ENTREP1: variants seen among roughly 807,000 people sequenced by gnomAD.
ENTREP1 encodes endosomal transmembrane epsin interactor 1.
the ENTREP1 span, chr9:69,379,586 G>A: frequency 6.6e-6 from 1 of 152,242 alleles, no homozygotes; most frequent in Non-Finnish European, 1.5e-5. Flanking sequence ...TGTTCTTTCT[G>A]TACCTGAGGA....
At chr9:69,354,467 A>G in the ENTREP1 span, among the ~76,000 whole-genome samples, 1 of 152,096 alleles carries the variant, frequency 6.6e-6, no homozygotes, top group African/African-American at 2.4e-5. Context: ...CATGTTGGCC[A>G]GGCTGGTCTT....
the ENTREP1 span, chr9:69,385,925 G>C: frequency 6.2e-7 from 1 of 1,610,708 alleles, no homozygotes; most frequent in Non-Finnish European, 8.5e-7. Context: ...GTGACCCTGT[G>C]CTCCATCCTT....
the ENTREP1 span, among the ~76,000 whole-genome samples, chr9:69,347,043 C>G: frequency 6.6e-5 from 10 of 152,212 alleles, no homozygotes; most frequent in Non-Finnish European, 1.3e-4. Flanking sequence ...TTGGAGCACC[C>G]TGTGGCCTCA....
the ENTREP1 span, among the ~76,000 whole-genome samples, chr9:69,337,005 CTTTTTTTTTTTTTT>C: frequency 2.1e-4 from 12 of 56,000 alleles, no homozygotes; most frequent in African/African-American, 6.9e-4. Context: ...GCTGTTATTC[CTTTTTTTTTTTTTT>C]TTTTTTTTTT....
chr9:69,334,761 T>C, the ENTREP1 span, among the ~76,000 whole-genome samples: 1 of 149,514 alleles, frequency 6.7e-6, no homozygotes, highest in African/African-American at 2.5e-5. Flanking sequence ...ATAGTGGCCC[T>C]TTCCTTTCCT....
chr9:69,368,438 A>G, the ENTREP1 span, among the ~76,000 whole-genome samples: 1 of 152,148 alleles, frequency 6.6e-6, no homozygotes, highest in African/African-American at 2.4e-5. Context: ...CATTCTCATA[A>G]TGTGATGTAT....
the ENTREP1 span, among the ~76,000 whole-genome samples, chr9:69,336,004 A>G: frequency 2.0e-5 from 3 of 152,336 alleles, no homozygotes; most frequent in South Asian, 4.1e-4. Flanking sequence ...ACAAAATTAA[A>G]CAAAGTCAAT....
At chr9:69,345,969 T>C in the ENTREP1 span, among the ~76,000 whole-genome samples, 2 of 152,040 alleles carry the variant, frequency 1.3e-5, no homozygotes, top group East Asian at 1.9e-4. Context: ...ACCTGACTTA[T>C]ACTCCACACA....
At chr9:69,332,009 C>T in the ENTREP1 span, among the ~76,000 whole-genome samples, 1 of 152,212 alleles carries the variant, frequency 6.6e-6, no homozygotes, top group Non-Finnish European at 1.5e-5. Flanking sequence ...CAACCCCTTT[C>T]CCCGTCTGTG....
chr9:69,338,922 T>A, the ENTREP1 span, among the ~76,000 whole-genome samples: 1 of 152,208 alleles, frequency 6.6e-6, no homozygotes, highest in Non-Finnish European at 1.5e-5. Context: ...ATAAAGAAGA[T>A]AAATTAATTT....
the ENTREP1 span, among the ~76,000 whole-genome samples, chr9:69,374,426 AAGTG>A: frequency 2.0e-5 from 3 of 151,858 alleles, no homozygotes; most frequent in Non-Finnish European, 4.4e-5. Context: ...GTGGTTGGGG[AAGTG>A]AGTATTTTTA....
chr9:69,339,611 A>ACATTAG, the ENTREP1 span, among the ~76,000 whole-genome samples: 1 of 152,052 alleles, frequency 6.6e-6, no homozygotes, highest in Admixed American at 6.5e-5. Context: ...GTGCCATTGC[A>ACATTAG]TGCTTTTTAG....
chr9:69,348,955 G>A, the ENTREP1 span, among the ~76,000 whole-genome samples: 837 of 151,796 alleles, frequency 5.5e-3, 15 homozygotes, highest in African/African-American at 0.019. Flanking sequence ...AGGCTGAGGC[G>A]GGTGGATCAC....
chr9:69,371,421 A>G, the ENTREP1 span: 1 of 988,342 alleles, frequency 1.0e-6, no homozygotes. Context: ...AGGGAATATG[A>G]GTTTTTAAAA....
chr9:69,372,649 GC>G, the ENTREP1 span, among the ~76,000 whole-genome samples: 4 of 152,298 alleles, frequency 2.6e-5, no homozygotes, highest in South Asian at 6.2e-4. Context: ...ACGAACATGG[GC>G]CTGCAAACAT....
the ENTREP1 span, among the ~76,000 whole-genome samples, chr9:69,334,431 G>GAA: frequency 2.0e-5 from 3 of 152,186 alleles, no homozygotes; most frequent in African/African-American, 7.2e-5. Flanking sequence ...CTCTCAGCTA[G>GAA]TGAGAATGGA....
At chr9:69,371,823 A>G in the ENTREP1 span, among the ~76,000 whole-genome samples, 1 of 152,204 alleles carries the variant, frequency 6.6e-6, no homozygotes, top group Non-Finnish European at 1.5e-5. Context: ...AGCCAGCAAA[A>G]CACTGGAACC....
chr9:69,380,571 A>G, the ENTREP1 span: 61,775 of 152,072 alleles, frequency 0.41, 12,816 homozygotes, highest in African/African-American at 0.49. Context: ...CATAAACAGA[A>G]GTCTGATTGC....
chr9:69,351,858 G>A, the ENTREP1 span, among the ~76,000 whole-genome samples: 1 of 151,948 alleles, frequency 6.6e-6, no homozygotes, highest in Non-Finnish European at 1.5e-5. Context: ...TCTTTTTAAT[G>A]TATTTTCTTA....
Sources: gnomAD v4.1 joint callset for allele counts (sites outside exome capture counted in the v4.1 genomes callset) on GRCh38, gnomAD v4.1.1 for gene constraint, MANE v1.5 for transcripts, NCBI Gene and HGNC (gene_info 2026-07-23, HGNC 2026-07-21) for gene names.